Variants in RIT2 observed in about 807,000 individuals in gnomAD.
The protein encoded by RIT2 is GTP-binding protein Rit2.
In RIT2, 24 loss-of-function variants were observed where a neutral mutation model predicts 23.7. The observed-to-expected ratio is 1.01, with a 90% confidence interval of 0.73 to 1.43. The LOEUF is 1.43. Ranked by LOEUF, RIT2 falls within the 40% of genes most tolerant of loss-of-function variation. RIT2 has a pLI of 0.00. For missense variants in RIT2, 236 were observed against 266.9 expected (o/e 0.88, Z 0.81); for synonymous variants, 107 against 91.1 (o/e 1.17, Z -0.99).
At position 42,821,352 on chromosome 18, in the gene RIT2, G is replaced by GT. The variant is rs546975151; in HGVS notation, c.427-77633dup. Among the ~76,000 whole-genome samples, 1,197 of 152,240 alleles carry GT rather than the reference G, an allele frequency of 7.9e-3. 5 individuals carry two copies. Among genetic ancestry groups the GT allele is most frequent in the South Asian group, 0.034 (165 of 4,822 alleles). On this transcript the variant is annotated intron_variant, in intron 4 of 4. Coordinates refer to ENST00000326695, the MANE Select transcript of RIT2 (RefSeq NM_002930.4). ...TACCTTAAACTGTGGCATCAGGATGGTACAAGGTAGATTCACATGACTATA... is the reference window on the plus strand; with the variant it reads ...TACCTTAAACTGTGGCATCAGGATGGTTACAAGGTAGATTCACATGACTATA...
At chr18:42,852,420 C>A (rs1310337823) in intron 4 of RIT2, among the ~76,000 whole-genome samples, 1 of 152,104 alleles carries the variant, frequency 6.6e-6, no homozygotes, top group Non-Finnish European at 1.5e-5. Flanking sequence ...ATTAATAAGG[C>A]TCTGTACTGT....
At chr18:42,793,440 T>C (rs1395029063) in intron 4 of RIT2, among the ~76,000 whole-genome samples, 1 of 152,208 alleles carries the variant, frequency 6.6e-6, no homozygotes, top group Non-Finnish European at 1.5e-5. Context: ...AGATTCCATA[T>C]AGCTATTACA....
chr18:42,849,045 CTT>C (rs1906980825), intron 4 of RIT2, among the ~76,000 whole-genome samples: 1 of 152,108 alleles, frequency 6.6e-6, no homozygotes, highest in Non-Finnish European at 1.5e-5. Flanking sequence ...TCCCAATACT[CTT>C]TGAGTTACCT....
chr18:42,864,609 G>A (rs1406061782), intron 4 of RIT2, among the ~76,000 whole-genome samples: 2 of 152,094 alleles, frequency 1.3e-5, no homozygotes, highest in African/African-American at 2.4e-5. Flanking sequence ...TGAAATTCTT[G>A]AGTTTTTAGG....
At chr18:42,946,293 A>G (rs1909725126) in intron 3 of RIT2, among the ~76,000 whole-genome samples, 1 of 152,090 alleles carries the variant, frequency 6.6e-6, no homozygotes, top group East Asian at 1.9e-4. Context: ...TTCCCAGTTG[A>G]TAGTGATAAT....
chr18:43,110,300 C>T (rs185109797), intron 1 of RIT2, among the ~76,000 whole-genome samples: 90 of 151,668 alleles, frequency 5.9e-4, no homozygotes, highest in Admixed American at 1.0e-3. Context: ...AAATAAAAAC[C>T]TACTAACTTA....
At chr18:42,994,844 C>T (rs1245150114) in intron 2 of RIT2, among the ~76,000 whole-genome samples, 2 of 152,136 alleles carry the variant, frequency 1.3e-5, no homozygotes, top group African/African-American at 4.8e-5. Flanking sequence ...TTCTTCCTCA[C>T]ACCTGACACA....
chr18:42,775,163 G>C (rs1057214906), intron 4 of RIT2, among the ~76,000 whole-genome samples: 1 of 152,132 alleles, frequency 6.6e-6, no homozygotes, highest in Non-Finnish European at 1.5e-5. Context: ...CAGTTTGGCT[G>C]AGGGTTCTGT....
intron 1 of RIT2, among the ~76,000 whole-genome samples, chr18:43,065,007 A>G (rs961749581): frequency 1.8e-4 from 28 of 151,368 alleles, no homozygotes. Context: ...TTTAGTAGAG[A>G]CAGGGTTTCA....
At chr18:42,900,622 G>C (rs1158282678) in intron 4 of RIT2, among the ~76,000 whole-genome samples, 1 of 151,732 alleles carries the variant, frequency 6.6e-6, no homozygotes, top group Non-Finnish European at 1.5e-5. Flanking sequence ...TTCTAATACA[G>C]GCTTCCTTAA....
At chr18:43,115,149 C>T (rs927559659) in intron 1 of RIT2, among the ~76,000 whole-genome samples, 1 of 152,100 alleles carries the variant, frequency 6.6e-6, no homozygotes, top group African/African-American at 2.4e-5. Context: ...GACCTATACA[C>T]TAAGAGCAAA....
At position 42,758,734 on chromosome 18, in the gene RIT2, A is replaced by G. The variant is rs926340546; in HGVS notation, c.427-15014T>C. The stretch of plus-strand genomic sequence containing the variant: ...GAGACAGGGTTTCACCATGTTGGCT[A>G]GGCTGGTCTCAATCTCCTGACCACA... On this transcript the variant is annotated intron_variant, in intron 4 of 4. Coordinates refer to ENST00000326695, the MANE Select transcript of RIT2 (RefSeq NM_002930.4). Among the ~76,000 whole-genome samples the G allele has an allele frequency of 1.3e-4, 19 of 146,424 alleles. 1 individual carries two copies. The South Asian group carries it at 4.1e-3, about 32-fold the overall frequency.
At chr18:42,925,129 T>C (rs983210062) in intron 3 of RIT2, among the ~76,000 whole-genome samples, 1 of 152,094 alleles carries the variant, frequency 6.6e-6, no homozygotes, top group Non-Finnish European at 1.5e-5. Context: ...TGTATCATAT[T>C]ACTTAGCATT....
chr18:43,082,263 T>C (rs527721360), intron 1 of RIT2, among the ~76,000 whole-genome samples: 2 of 151,962 alleles, frequency 1.3e-5, no homozygotes, highest in African/African-American at 4.8e-5. Context: ...TTTTTTATTG[T>C]GTCTATTGGA....
chr18:42,916,105 C>G (rs1234785045), intron 4 of RIT2, among the ~76,000 whole-genome samples: 1 of 152,012 alleles, frequency 6.6e-6, no homozygotes, highest in African/African-American at 2.4e-5. Flanking sequence ...TCTAGAATCA[C>G]CCAGCTAATT....
intron 1 of RIT2, among the ~76,000 whole-genome samples, chr18:43,100,692 T>G (rs752621893): frequency 6.6e-6 from 1 of 152,038 alleles, no homozygotes; most frequent in Non-Finnish European, 1.5e-5. Context: ...ATGAACTGGA[T>G]GTGGAAGTAT....
chr18:42,785,573 T>C (rs1427455823), intron 4 of RIT2, among the ~76,000 whole-genome samples: 3 of 151,892 alleles, frequency 2.0e-5, no homozygotes, highest in Non-Finnish European at 2.9e-5. Context: ...TAACTGAGAG[T>C]GACCCAAATT....
chr18:42,840,931 C>A (rs1357529223), intron 4 of RIT2, among the ~76,000 whole-genome samples: 1 of 152,138 alleles, frequency 6.6e-6, no homozygotes, highest in Non-Finnish European at 1.5e-5. Flanking sequence ...ATGGTAAATC[C>A]CATGCCTCTA....
At chr18:42,869,727 G>A (rs1297499299) in intron 4 of RIT2, among the ~76,000 whole-genome samples, 3 of 152,108 alleles carry the variant, frequency 2.0e-5, no homozygotes. Context: ...CACACCAAAA[G>A]TCCAACACAG....
Sources: allele counts gnomAD v4.1 joint callset (sites outside exome capture counted in the v4.1 genomes callset), GRCh38; gene constraint gnomAD v4.1.1; transcripts MANE v1.5; gene names NCBI Gene and HGNC (gene_info 2026-07-23, HGNC 2026-07-21).